RORA: variants seen among roughly 807,000 people sequenced by gnomAD.
RORA encodes nuclear receptor ROR-alpha.
Under a neutral mutation model 69.5 loss-of-function variants are expected in RORA, and 7 were observed. The ratio of observed to expected loss-of-function variants is 0.10; its 90% CI spans 0.06 to 0.19. RORA has a LOEUF of 0.19. Ranked by LOEUF, RORA falls within the 10% of genes least tolerant of loss-of-function variation. The pLI is 1.00. For synonymous variants in RORA, 261 were observed against 240.8 expected, an observed-to-expected ratio of 1.08 and a Z score of -0.78; for missense variants, 457 against 663.0, an observed-to-expected ratio of 0.69 and a Z score of 3.41.
intron 2 of RORA, chr15:60,678,449 G>T (rs1242554443): frequency 1.9e-6 from 1 of 518,624 alleles, no homozygotes; most frequent in African/African-American, 1.9e-5. Flanking sequence ...ATCAGAATAT[G>T]TCTCTAGCCT....
intron 1 of RORA, among the ~76,000 whole-genome samples, chr15:61,032,528 C>T (rs1896227199): frequency 6.6e-6 from 1 of 152,188 alleles, no homozygotes; most frequent in Non-Finnish European, 1.5e-5. Context: ...AAATTGCCCA[C>T]TTCACCTTTT....
intron 1 of RORA, among the ~76,000 whole-genome samples, chr15:61,135,146 T>TGA (rs1304868420): frequency 1.8e-5 from 1 of 56,582 alleles, no homozygotes; most frequent in African/African-American, 6.4e-5. Flanking sequence ...CATCTCTTAC[T>TGA]AAAAAAAAAA....
chr15:61,205,310 G>T (rs902946848), intron 1 of RORA, among the ~76,000 whole-genome samples: 6 of 152,162 alleles, frequency 3.9e-5, no homozygotes, highest in Non-Finnish European at 5.9e-5. Context: ...TGGCGAGGGT[G>T]GGGGGCAATT....
chr15:60,809,844 A>G (rs1281797533), intron 1 of RORA, among the ~76,000 whole-genome samples: 1 of 149,428 alleles, frequency 6.7e-6, no homozygotes, highest in Non-Finnish European at 1.5e-5. Flanking sequence ...TTTTCTCTCT[A>G]CTTATTTCTT....
At chr15:60,798,867 A>C (rs79988796) in intron 1 of RORA, among the ~76,000 whole-genome samples, 1,644 of 152,060 alleles carry the variant, frequency 0.011, 29 homozygotes, top group African/African-American at 0.038. Context: ...ACTTACAGGG[A>C]CTTTGTGAAA....
intron 1 of RORA, among the ~76,000 whole-genome samples, chr15:60,777,999 A>G (rs2072198136): frequency 6.6e-6 from 1 of 152,240 alleles, no homozygotes; most frequent in Non-Finnish European, 1.5e-5. Context: ...GTTTAATCCA[A>G]TAGTCAATAT....
rs141393736 is a variant in RORA, at chr15:61,134,172, CT to C, written c.166+94880del. Reference sequence around the variant, plus strand: ...TATGGCTCAATGAAACTTTATGTCCCTCCCTCAGAGTCTAAGAATTGGCTTG... The same window carrying C: ...TATGGCTCAATGAAACTTTATGTCCCCCCTCAGAGTCTAAGAATTGGCTTG... On this transcript the variant is annotated intron_variant, in intron 1 of 10. Transcript: ENST00000335670. Among the ~76,000 whole-genome samples, 164 of 152,258 alleles carry C rather than the reference CT, an allele frequency of 1.1e-3. 1 individual carries two copies. The highest frequency in any genetic ancestry group is 3.8e-3 in the African/African-American group (158 of 41,548).
chr15:60,557,020 C>T, intron 2 of RORA: 1 of 1,040,590 alleles, frequency 9.6e-7, no homozygotes, highest in South Asian at 1.5e-5. Flanking sequence ...AATGCTTGAA[C>T]AGCAATAAGT....
intron 1 of RORA, among the ~76,000 whole-genome samples, chr15:60,709,700 G>A (rs1283567373): frequency 6.6e-6 from 1 of 151,680 alleles, no homozygotes; most frequent in African/African-American, 2.4e-5. Flanking sequence ...CCATCTAGTT[G>A]CAGGAAAACA....
chr15:60,516,188 T>A (rs1297500786), intron 3 of RORA, among the ~76,000 whole-genome samples: 5 of 15,802 alleles, frequency 3.2e-4, no homozygotes, highest in African/African-American at 1.4e-3. Flanking sequence ...TATATATTTA[T>A]ATATATATTT....
intron 1 of RORA, among the ~76,000 whole-genome samples, chr15:60,773,344 G>T (rs1367319997): frequency 2.0e-5 from 3 of 151,922 alleles, no homozygotes; most frequent in African/African-American, 7.3e-5. Context: ...GCTCTACATG[G>T]ATGTACATAT....
chr15:60,814,962 C>A (rs1798543920), intron 1 of RORA, among the ~76,000 whole-genome samples: 1 of 152,160 alleles, frequency 6.6e-6, no homozygotes, highest in East Asian at 1.9e-4. Context: ...TTTGCCTAGG[C>A]ACTAGGTGAA....
chr15:60,990,657 A>G (rs1267326585), intron 1 of RORA, among the ~76,000 whole-genome samples: 1 of 152,196 alleles, frequency 6.6e-6, no homozygotes. Context: ...TATGTTACAT[A>G]TACAATTACA....
At chr15:61,200,187 G>A (rs763138233) in intron 1 of RORA, among the ~76,000 whole-genome samples, 3 of 152,250 alleles carry the variant, frequency 2.0e-5, no homozygotes, top group East Asian at 3.9e-4. Context: ...CAGGAGAGTC[G>A]GGAAAAGAGT....
At chr15:61,143,318 A>G (rs1334488104) in intron 1 of RORA, among the ~76,000 whole-genome samples, 1 of 152,172 alleles carries the variant, frequency 6.6e-6, no homozygotes, top group African/African-American at 2.4e-5. Context: ...AAAAGCTGGC[A>G]AAATAATGGA....
intron 1 of RORA, among the ~76,000 whole-genome samples, chr15:61,102,551 T>A (rs191564484): frequency 6.6e-6 from 1 of 152,310 alleles, no homozygotes; most frequent in Admixed American, 6.5e-5. Context: ...TGATATCCAA[T>A]TTCCTTTTGA....
chr15:61,041,919 T>C (rs993550936), intron 1 of RORA, among the ~76,000 whole-genome samples: 1 of 152,238 alleles, frequency 6.6e-6, no homozygotes, highest in African/African-American at 2.4e-5. Context: ...GGTACCTCTA[T>C]GCCCTTTTCA....
intron 2 of RORA, among the ~76,000 whole-genome samples, chr15:60,614,633 G>T (rs1343580108): frequency 1.3e-5 from 2 of 152,086 alleles, no homozygotes; most frequent in African/African-American, 4.8e-5. Context: ...GTGGGGAGGG[G>T]GCAGCATGGC....
chr15:60,510,484 A>C (rs1007681929), intron 5 of RORA: 2 of 152,232 alleles, frequency 1.3e-5, no homozygotes, highest in African/African-American at 2.4e-5. Flanking sequence ...GGTGAGCCTT[A>C]TATGAATTAC....
Sources: gnomAD v4.1 joint callset for allele counts (sites outside exome capture counted in the v4.1 genomes callset) on GRCh38, gnomAD v4.1.1 for gene constraint, MANE v1.5 for transcripts, NCBI Gene and HGNC (gene_info 2026-07-23, HGNC 2026-07-21) for gene names.